Variants in INTS15 observed in about 807,000 individuals in gnomAD.
INTS15 encodes the protein uncharacterized protein C7orf26.
the INTS15 span, among the ~76,000 whole-genome samples, chr7:6,592,588 A>C: frequency 6.6e-6 from 1 of 151,948 alleles, no homozygotes; most frequent in African/African-American, 2.4e-5. Context: ...TTTTTTTTTA[A>C]ATTAGGGTGT....
chr7:6,593,363 C>T, the INTS15 span, among the ~76,000 whole-genome samples: 26 of 118,616 alleles, frequency 2.2e-4, no homozygotes, highest in Admixed American at 7.1e-4. Flanking sequence ...CAGAGTCTTT[C>T]TCTGTCGCCC....
the INTS15 span, chr7:6,590,582 C>T: frequency 1.4e-6 from 2 of 1,390,988 alleles, no homozygotes; most frequent in Admixed American, 3.3e-5. Flanking sequence ...TGTCCAGGAT[C>T]CCCGCGCTCG....
At chr7:6,602,039 AGT>A in the INTS15 span, 1 of 1,415,358 alleles carries the variant, frequency 7.1e-7, no homozygotes, top group African/African-American at 1.4e-5. Context: ...AAAGAACGTC[AGT>A]GTGTATTTCA....
the INTS15 span, chr7:6,594,668 A>T: frequency 4.1e-6 from 6 of 1,466,432 alleles, no homozygotes; most frequent in Non-Finnish European, 5.7e-6. Flanking sequence ...TTTCCACTGA[A>T]TACCCAGGTG....
the INTS15 span, among the ~76,000 whole-genome samples, chr7:6,598,780 T>TGTGC: frequency 1.0e-5 from 1 of 97,668 alleles, no homozygotes; most frequent in Non-Finnish European, 1.9e-5. Flanking sequence ...TGTGTGTGTG[T>TGTGC]GTGTGTATTT....
the INTS15 span, chr7:6,594,481 A>G: frequency 3.1e-6 from 5 of 1,613,970 alleles, no homozygotes; most frequent in Non-Finnish European, 4.2e-6. Context: ...GCCCTTGTAG[A>G]TGACTACTGC....
At chr7:6,597,165 A>G in the INTS15 span, among the ~76,000 whole-genome samples, 1 of 152,184 alleles carries the variant, frequency 6.6e-6, no homozygotes, top group Non-Finnish European at 1.5e-5. Context: ...ACGCTGCTGC[A>G]GTGGGATTTC....
At chr7:6,600,255 T>C in the INTS15 span, 1 of 1,614,208 alleles carries the variant, frequency 6.2e-7, no homozygotes. Flanking sequence ...GCGGATGAAC[T>C]GAACCCCCTC....
chr7:6,593,293 A>G, the INTS15 span, among the ~76,000 whole-genome samples: 610 of 152,154 alleles, frequency 4.0e-3, 4 homozygotes, highest in Non-Finnish European at 6.9e-3. Flanking sequence ...TTTGTTAACA[A>G]AAACGGGTGG....
At chr7:6,607,834 CG>C in the INTS15 span, 1 of 1,512,124 alleles carries the variant, frequency 6.6e-7, no homozygotes, top group Admixed American at 2.1e-5. This position sits in a 1 kb window ranked among gnomAD's most constrained non-coding sequence, Gnocchi z 6.0. Flanking sequence ...CCTGGACCCC[CG>C]GGTGGTCCGT....
the INTS15 span, chr7:6,594,645 T>A: frequency 1.3e-6 from 2 of 1,586,874 alleles, no homozygotes; most frequent in Non-Finnish European, 1.7e-6. Context: ...CTTCAGTCAA[T>A]GGCTAGTTTT....
the INTS15 span, chr7:6,601,969 C>T: frequency 1.2e-6 from 1 of 807,718 alleles, no homozygotes; most frequent in Non-Finnish European, 2.1e-6. Flanking sequence ...AACTCAGTTT[C>T]TAAATGACAC....
the INTS15 span, chr7:6,608,556 TC>T: frequency 4.6e-6 from 5 of 1,095,338 alleles, no homozygotes; most frequent in African/African-American, 8.5e-5. Context: ...GTGGGCTCCT[TC>T]TGCAGCCCCG....
the INTS15 span, among the ~76,000 whole-genome samples, chr7:6,594,171 G>T: frequency 2.0e-5 from 3 of 151,196 alleles, no homozygotes; most frequent in East Asian, 3.9e-4. Flanking sequence ...ACCATTCCCA[G>T]TTAATTTTGT....
chr7:6,607,956 G>A, the INTS15 span: 7 of 1,598,976 alleles, frequency 4.4e-6, no homozygotes, highest in Non-Finnish European at 5.1e-6. This position sits in a 1 kb window ranked among gnomAD's most constrained non-coding sequence, Gnocchi z 6.0. Context: ...GCTTGTGTTC[G>A]CAGCCTCCTC....
the INTS15 span, among the ~76,000 whole-genome samples, chr7:6,595,525 G>T: frequency 6.6e-6 from 1 of 152,122 alleles, no homozygotes; most frequent in East Asian, 1.9e-4. Flanking sequence ...GACGTGTGCA[G>T]TTTGCTAAGA....
the INTS15 span, among the ~76,000 whole-genome samples, chr7:6,599,202 C>T: frequency 1.4e-4 from 22 of 152,296 alleles, no homozygotes; most frequent in Non-Finnish European, 2.6e-4. Flanking sequence ...CTGTGTAAAG[C>T]GTTGAGACCT....
chr7:6,596,035 C>G, the INTS15 span, among the ~76,000 whole-genome samples: 1 of 141,992 alleles, frequency 7.0e-6, no homozygotes. Context: ...AGCCTCCTGA[C>G]TATTTTTGAG....
the INTS15 span, among the ~76,000 whole-genome samples, chr7:6,597,517 A>G: frequency 1.3e-5 from 2 of 151,290 alleles, no homozygotes; most frequent in Non-Finnish European, 1.5e-5. Context: ...CTGGTCTCAA[A>G]CTCCTGACTT....
Sources: gnomAD v4.1 joint callset for allele counts (sites outside exome capture counted in the v4.1 genomes callset) on GRCh38, gnomAD v4.1.1 for gene constraint, Gnocchi (gnomAD v3.1) non-coding constraint, MANE v1.5 for transcripts, NCBI Gene and HGNC (gene_info 2026-07-23, HGNC 2026-07-21) for gene names.